The following JMY variants were observed in gnomAD, a reference collection of about 807,000 sequenced individuals.
JMY encodes junction mediating and regulatory protein, p53 cofactor.
A neutral mutation model predicts 103.3 loss-of-function variants in JMY; 46 were observed. The ratio of observed to expected loss-of-function variants is 0.45; its 90% confidence interval spans 0.35 to 0.57. The LOEUF (loss-of-function observed/expected upper bound fraction) is 0.57. JMY is among the 20% of genes least tolerant of loss of function. JMY has a pLI of 0.00. For synonymous variants in JMY, 526 were observed against 489.3 expected, an observed-to-expected ratio of 1.07 and a Z score of -0.99; for missense variants, 1,238 against 1,255.2, an observed-to-expected ratio of 0.99 and a Z score of 0.21.
rs913006204 is a variant in JMY at position 79,282,894 on chromosome 5, A to G, written c.1206+4811A>G. Among the ~76,000 whole-genome samples the G allele has an allele frequency of 5.3e-5, 8 of 151,984 alleles. 1 individual carries two copies. In the East Asian group the frequency reaches 1.5e-3, roughly 29 times the overall value. ...CTAAGGATTTATAGAAGATGAGAGG[A>G]AAGATGGTTGGAATGTTATTATATT... On this transcript the variant is annotated intron_variant, in intron 2 of 10. Coordinates refer to ENST00000396137, the MANE Select transcript of JMY (RefSeq NM_152405.5).
intron 1 of JMY, among the ~76,000 whole-genome samples, chr5:79,244,297 G>C (rs1400839697): frequency 6.6e-6 from 1 of 152,108 alleles, no homozygotes. Flanking sequence ...CACCACGCCT[G>C]GCCCAGATAC....
intron 1 of JMY, among the ~76,000 whole-genome samples, chr5:79,261,858 C>G (rs921994212): frequency 2.0e-5 from 3 of 152,166 alleles, no homozygotes; most frequent in African/African-American, 7.2e-5. Flanking sequence ...CTCCTGGCCT[C>G]AAGTGATCTG....
intron 1 of JMY, among the ~76,000 whole-genome samples, chr5:79,266,670 C>T (rs1745596326): frequency 6.6e-6 from 1 of 152,178 alleles, no homozygotes; most frequent in African/African-American, 2.4e-5. Context: ...CTGTTGAATA[C>T]CAGAATTTAT....
Position 79,290,127 on chromosome 5 carries a change from A to G in JMY, c.1213A>G (p.Met405Val), listed in dbSNP as rs758022764. ...MLRRQQIKISMENDYLGPRRI... is the reference protein window; with the variant it reads ...MLRRQQIKISVENDYLGPRRI... ...TTTCTTTTTCTCTCTGAAGATTTCC[A>G]TGGAGAATGATTATCTGGGACCTCG... Residue 405 changes from methionine to valine, a missense_variant, in exon 3 of 11, where the codon ATG (methionine) becomes GTG (valine). Coordinates refer to ENST00000396137, the MANE Select transcript of JMY (RefSeq NM_152405.5). 1 of 1,572,434 alleles carries G rather than the reference A, an allele frequency of 6.4e-7. No homozygotes were observed.
intron 1 of JMY, 65 bp downstream of exon 1, chr5:79,237,747 G>T: frequency 2.1e-6 from 3 of 1,453,508 alleles, no homozygotes; most frequent in Non-Finnish European, 2.8e-6. Context: ...CAAACCAAAG[G>T]CTGGAGCCTC....
chr5:79,288,213 C>T (rs1010064073), intron 2 of JMY, among the ~76,000 whole-genome samples: 1 of 152,172 alleles, frequency 6.6e-6, no homozygotes, highest in African/African-American at 2.4e-5. Flanking sequence ...AACCTACTTT[C>T]CTAGTATCTC....
At chr5:79,253,443 C>T (rs1315344962) in intron 1 of JMY, among the ~76,000 whole-genome samples, 1 of 152,094 alleles carries the variant, frequency 6.6e-6, no homozygotes, top group African/African-American at 2.4e-5. Flanking sequence ...CAGGCATCCG[C>T]CACCAAGCCC....
chr5:79,239,131 T>G (rs1473164093), intron 1 of JMY, among the ~76,000 whole-genome samples: 1 of 152,170 alleles, frequency 6.6e-6, no homozygotes, highest in African/African-American at 2.4e-5. Context: ...AAGAAATGTT[T>G]GTTTCTCACT....
At position 79,318,803 on chromosome 5, in the gene JMY, G is replaced by GA. The variant is rs1580377750; in HGVS notation, c.*3+2493_*3+2494insA. On this transcript the variant is annotated intron_variant, in intron 10 of 10. Coordinates refer to ENST00000396137, the MANE Select transcript of JMY (RefSeq NM_152405.5). ...AGAGAGAGAGAGAGAGAGAGAGAGAGGGATGCATATCAGTTTGTGAATGTC... is the reference window on the plus strand; with the variant it reads ...AGAGAGAGAGAGAGAGAGAGAGAGAGAGGATGCATATCAGTTTGTGAATGTC... 4.5e-3 allele frequency among the ~76,000 whole-genome samples: 83 copies of GA among 18,324 alleles called. 1 individual carries two copies. Among genetic ancestry groups the GA allele is most frequent in the African/African-American group, 0.031 (68 of 2,216 alleles). The allele number at this position is 18,324 out of a possible 152,430, so 12.0% of individuals were successfully genotyped here.
intron 1 of JMY, among the ~76,000 whole-genome samples, chr5:79,243,913 T>G (rs1744813019): frequency 6.6e-6 from 1 of 152,114 alleles, no homozygotes; most frequent in South Asian, 2.1e-4. Context: ...TCACCCTTCT[T>G]GGTAATTAAT....
In JMY at chr5:79,326,927, A is replaced by AAAAGT. The variant is rs1258052625; in HGVS notation, c.*5327_*5331dup. 1.3e-5 allele frequency: 2 copies of AAAAGT among 152,358 alleles called. No homozygotes were observed. Among genetic ancestry groups the AAAAGT allele is most frequent in the Admixed American group, 1.3e-4 (2 of 15,308 alleles). The allele number at this position is 152,358 out of a possible 1,614,324, so 9.4% of individuals were successfully genotyped here. On this transcript the variant is annotated 3_prime_UTR_variant, in exon 11 of 11. Transcript: ENST00000396137. ...TGTTCAATTAACATCCTAAAGTATTAAAAGTACAGAGGAAAAACTAAGCAA... is the reference window on the plus strand; with the variant it reads ...TGTTCAATTAACATCCTAAAGTATTAAAAGTAAAGTACAGAGGAAAAACTAAGCAA...
intron 6 of JMY, among the ~76,000 whole-genome samples, chr5:79,303,708 T>A (rs1435672808): frequency 6.6e-6 from 1 of 152,110 alleles, no homozygotes; most frequent in South Asian, 2.1e-4. Context: ...GAAGTGAAGA[T>A]GATGATTCCA....
In JMY at chr5:79,277,953, T is replaced by A; in HGVS notation, c.1076T>A (p.Leu359Gln). 1 of 1,614,086 alleles carries A rather than the reference T, an allele frequency of 6.2e-7. No homozygotes were observed. The highest frequency in any genetic ancestry group is 8.5e-7 in the Non-Finnish European group (1 of 1,179,964). ...HKNTESMVEL[L>Q]DLYQMEDEAY... ...AATACAGAGAGCATGGTGGAGCTTC[T>A]GGACTTGTATCAGATGGAGGATGAA... The change falls in exon 2 of 11, where the codon CTG becomes CAG. Residue 359 changes from leucine (L) to glutamine (Q), a missense_variant. Leu to Gln is a moderately radical substitution (Grantham distance 113). Transcript: ENST00000396137.
chr5:79,237,313 G>A lies in JMY; in HGVS notation c.663G>A (p.Glu221=). 6.4e-7 allele frequency: 1 copy of A among 1,571,018 alleles called. No individual in the cohort carries two copies. Among genetic ancestry groups the A allele is most frequent in the Non-Finnish European group, 8.6e-7 (1 of 1,158,742 alleles). The change falls in exon 1 of 11, where the codon GAG becomes GAA. Residue 221 remains glutamate, a synonymous_variant. Transcript: ENST00000396137. ...AGCCGCCGCCCGCCACCGAGCTGGA[G>A]TCTCCGGCCGAAGAGTGCAGCTGGG... is the stretch of plus-strand genomic sequence containing the variant. ...AEQPPPATEL[E]SPAEECSWAG...
At chr5:79,316,449 G>A (rs1447237729) in intron 10 of JMY, 139 bp downstream of exon 10, 4 of 617,446 alleles carry the variant, frequency 6.5e-6, no homozygotes, top group Non-Finnish European at 1.1e-5. Context: ...ACAAATTTAT[G>A]AACTTCAGGT....
Position 79,237,339 on chromosome 5 carries a change from C to T in JMY, c.689C>T (p.Ala230Val). 1 of 1,602,642 alleles carries T rather than the reference C, an allele frequency of 6.2e-7. No homozygotes were observed. The highest frequency in any genetic ancestry group is 8.5e-7 in the Non-Finnish European group (1 of 1,175,212). The part of the protein sequence containing the change: ...LESPAEECSW[A>V]GLFSFQDLRA... ...TCTCCGGCCGAAGAGTGCAGCTGGG[C>T]CGGACTGTTTTCTTTCCAGGACCTG... is the stretch of plus-strand genomic sequence containing the variant. Residue 230 changes from alanine (A) to valine (V), a missense_variant, in exon 1 of 11, where the codon GCC becomes GTC. By Grantham distance (64) the Ala-to-Val change is moderately conservative. Coordinates refer to ENST00000396137, the MANE Select transcript of JMY (RefSeq NM_152405.5).
At chr5:79,258,311 G>T (rs1840807) in intron 1 of JMY, among the ~76,000 whole-genome samples, 5,038 of 81,338 alleles carry the variant, frequency 0.062, 275 homozygotes, top group South Asian at 0.11. Flanking sequence ...TTTTGTTTTT[G>T]TTGTTTTTTT....
At chr5:79,303,098 T>TA (rs1248478519) in intron 6 of JMY, among the ~76,000 whole-genome samples, 2 of 152,326 alleles carry the variant, frequency 1.3e-5, no homozygotes, top group South Asian at 2.1e-4. Context: ...AGCTGAGTTT[T>TA]AGACTTGCAT....
intron 1 of JMY, among the ~76,000 whole-genome samples, chr5:79,245,077 ACT>A (rs1412161362): frequency 1.3e-5 from 2 of 151,818 alleles, no homozygotes; most frequent in Non-Finnish European, 2.9e-5. Context: ...TATATAGTAG[ACT>A]CTTTTTCAGA....
Sources: allele counts gnomAD v4.1 joint callset (sites outside exome capture counted in the v4.1 genomes callset), GRCh38; gene constraint gnomAD v4.1.1; transcripts MANE v1.5; gene names NCBI Gene and HGNC (gene_info 2026-07-23, HGNC 2026-07-21).